Variants in FMN2 observed in about 807,000 individuals in gnomAD.
FMN2 encodes formin-2.
Under a neutral mutation model 142.3 loss-of-function variants are expected in FMN2, and 51 were observed. That is an observed-to-expected ratio of 0.36 (90% confidence interval 0.29 to 0.45). The LOEUF (loss-of-function observed/expected upper bound fraction) is 0.45. Ranked by LOEUF, FMN2 falls within the 20% of genes least tolerant of loss-of-function variation. The pLI is 1.00. For missense variants in FMN2, 1,936 were observed against 2,122.8 expected, an observed-to-expected ratio of 0.91 and a Z score of 1.73; for synonymous variants, 882 against 869.8, an observed-to-expected ratio of 1.01 and a Z score of -0.25.
At chr1:240,407,852 G>C (rs1029484598) in intron 15 of FMN2, among the ~76,000 whole-genome samples, 20 of 152,118 alleles carry the variant, frequency 1.3e-4, no homozygotes, top group African/African-American at 4.6e-4. Context: ...TAGCATATTT[G>C]CAATGAAAAT....
intron 15 of FMN2, among the ~76,000 whole-genome samples, chr1:240,407,520 C>T (rs1415244608): frequency 2.6e-5 from 4 of 152,194 alleles, no homozygotes; most frequent in Non-Finnish European, 5.9e-5. Context: ...AGTCCTGCAT[C>T]TGCAGAGAGT....
chr1:240,168,232 G>A (rs1172005233), intron 2 of FMN2, among the ~76,000 whole-genome samples: 1 of 152,038 alleles, frequency 6.6e-6, no homozygotes, highest in African/African-American at 2.4e-5. Flanking sequence ...GCTACTGTCA[G>A]TAGATCTACC....
intron 15 of FMN2, among the ~76,000 whole-genome samples, chr1:240,427,268 C>G (rs1485058928): frequency 4.0e-5 from 6 of 150,552 alleles, no homozygotes; most frequent in Non-Finnish European, 7.4e-5. Context: ...TGCAGTAGTG[C>G]TATCTCGGCT....
At chr1:240,151,463 G>A (rs1303979491) in intron 2 of FMN2, among the ~76,000 whole-genome samples, 3 of 151,940 alleles carry the variant, frequency 2.0e-5, no homozygotes, top group African/African-American at 4.8e-5. Flanking sequence ...CTTCTGCTTG[G>A]TATGCGCTTT....
At chr1:240,346,335 A>G (rs939049647) in intron 13 of FMN2, among the ~76,000 whole-genome samples, 7 of 152,168 alleles carry the variant, frequency 4.6e-5, no homozygotes, top group Non-Finnish European at 1.0e-4. Flanking sequence ...AATGTTGTAT[A>G]CAAATATTAT....
At chr1:240,171,405 T>G in intron 2 of FMN2, 1 of 505,192 alleles carries the variant, frequency 2.0e-6, no homozygotes, top group Middle Eastern at 5.4e-4. Flanking sequence ...AATGGTGTGA[T>G]GTGCGTCATT....
At position 240,185,572 on chromosome 1, in the gene FMN2, G is replaced by A. The variant is rs140894045; in HGVS notation, c.1931-2635G>A. Among the ~76,000 whole-genome samples, 885 of 152,306 alleles carry A rather than the reference G, an allele frequency of 5.8e-3. 10 individuals carry two copies. Among genetic ancestry groups the A allele is most frequent in the African/African-American group, 0.021 (854 of 41,570 alleles). The stretch of plus-strand genomic sequence containing the variant: ...TATTTTGCTGATGCATCTTTCTAAT[G>A]TGGTTTTCTAAGTACGTTTTTCTGA... On this transcript the variant is annotated intron_variant, in intron 3 of 17. Coordinates refer to ENST00000319653, the MANE Select transcript of FMN2 (RefSeq NM_020066.5).
chr1:240,182,559 A>C (rs1431600351), intron 3 of FMN2, among the ~76,000 whole-genome samples: 3 of 152,222 alleles, frequency 2.0e-5, no homozygotes, highest in Admixed American at 6.5e-5. Context: ...ATTGTAATTC[A>C]CCTTTGTTCC....
chr1:240,314,533 A>T (rs1289153744), intron 8 of FMN2, among the ~76,000 whole-genome samples: 2 of 152,174 alleles, frequency 1.3e-5, no homozygotes, highest in Non-Finnish European at 2.9e-5. Context: ...GATCACTGTT[A>T]TTGTTGTCCT....
intron 13 of FMN2, among the ~76,000 whole-genome samples, chr1:240,346,451 A>C (rs1671910546): frequency 6.6e-6 from 1 of 152,142 alleles, no homozygotes; most frequent in African/African-American, 2.4e-5. Context: ...AACCACAGGA[A>C]GCGAACCCAT....
chr1:240,427,700 C>G (rs1675007902), intron 15 of FMN2, among the ~76,000 whole-genome samples: 1 of 152,112 alleles, frequency 6.6e-6, no homozygotes, highest in Non-Finnish European at 1.5e-5. Context: ...TTTCCTGATT[C>G]TATCTCAGTG....
intron 1 of FMN2, among the ~76,000 whole-genome samples, chr1:240,121,698 CTTA>C (rs1282708435): frequency 1.8e-5 from 2 of 110,832 alleles, no homozygotes; most frequent in Non-Finnish European, 3.3e-5. Context: ...CCAGTGTCTT[CTTA>C]TTATGCCTCT....
intron 6 of FMN2, among the ~76,000 whole-genome samples, chr1:240,231,471 T>G (rs2102847527): frequency 1.3e-5 from 1 of 74,598 alleles, no homozygotes; most frequent in Middle Eastern, 7.6e-3. Flanking sequence ...CAGGTGTTAG[T>G]GTAAAATACA....
At chr1:240,134,753 C>G (rs1351295121) in intron 2 of FMN2, among the ~76,000 whole-genome samples, 1 of 152,192 alleles carries the variant, frequency 6.6e-6, no homozygotes, top group African/African-American at 2.4e-5. Context: ...GGAGTTGACT[C>G]TGTATTGGAT....
chr1:240,436,744 A>G lies in FMN2; in HGVS notation c.4911-1317A>G, dbSNP rs781556192. ...TCATAATAGACATTTCAAATCAGCT[A>G]TGGCAAGCTGAATACACACAGAGAT... On this transcript the variant is annotated intron_variant, in intron 15 of 17. Transcript: ENST00000319653. Among the ~76,000 whole-genome samples, 9 of 152,050 alleles carry G rather than the reference A, an allele frequency of 5.9e-5. No homozygotes were observed. The East Asian group carries it at 7.7e-4, about 13-fold the overall frequency.
chr1:240,147,544 G>A (rs912742818), intron 2 of FMN2, among the ~76,000 whole-genome samples: 11 of 151,986 alleles, frequency 7.2e-5, no homozygotes, highest in African/African-American at 2.7e-4. Context: ...CCAGGCTGGA[G>A]TGCAATGGAA....
intron 13 of FMN2, 136 bp downstream of exon 13, chr1:240,334,365 C>A (rs1233482870): frequency 1.2e-5 from 12 of 1,035,956 alleles, no homozygotes; most frequent in Middle Eastern, 3.5e-4. Context: ...GGCGAAAGAA[C>A]AATTTTGCCT....
chr1:240,451,149 C>T (rs951269120), intron 16 of FMN2, among the ~76,000 whole-genome samples: 2 of 152,116 alleles, frequency 1.3e-5, no homozygotes, highest in South Asian at 2.1e-4. Flanking sequence ...GGGTGGATCA[C>T]GAGGTCAAGA....
At chr1:240,325,596 G>T (rs539648847) in intron 8 of FMN2, among the ~76,000 whole-genome samples, 1 of 152,258 alleles carries the variant, frequency 6.6e-6, no homozygotes, top group East Asian at 1.9e-4. Context: ...ATAGTTATTT[G>T]CAGACATGTA....
Sources: allele counts gnomAD v4.1 joint callset (sites outside exome capture counted in the v4.1 genomes callset), GRCh38; gene constraint gnomAD v4.1.1; transcripts MANE v1.5; gene names NCBI Gene and HGNC (gene_info 2026-07-23, HGNC 2026-07-21).